The following PTPRN2 variants were observed in gnomAD, a reference collection of about 807,000 sequenced individuals.
PTPRN2 encodes protein tyrosine phosphatase receptor type N2, also known as receptor-type tyrosine-protein phosphatase N2.
A neutral mutation model predicts 118.8 loss-of-function variants in PTPRN2; 74 were observed. The observed-to-expected ratio is 0.62, with a 90% CI of 0.52 to 0.76. PTPRN2 has a LOEUF of 0.76. PTPRN2 is among the 30% of genes least tolerant of loss of function. PTPRN2 has a pLI of 0.00. For missense variants in PTPRN2, 1,481 were observed against 1,394.4 expected, an observed-to-expected ratio of 1.06 and a Z score of -0.99; for synonymous variants, 641 against 608.0, an observed-to-expected ratio of 1.05 and a Z score of -0.80.
chr7:157,563,880 A>G (rs528101835), intron 21 of PTPRN2, among the ~76,000 whole-genome samples: 2 of 152,236 alleles, frequency 1.3e-5, no homozygotes, highest in Non-Finnish European at 2.9e-5. Flanking sequence ...ACAGCAGATC[A>G]GGACCATGTG....
intron 2 of PTPRN2, among the ~76,000 whole-genome samples, chr7:158,365,011 CACAT>C (rs1809323622): frequency 1.3e-5 from 2 of 152,272 alleles, no homozygotes; most frequent in South Asian, 2.1e-4. Flanking sequence ...GCACACACAA[CACAT>C]ACATACATTC....
rs1563092148 is a variant in PTPRN2 at position 157,772,312 on chromosome 7, C to CACAGACAT, written c.1789-89376_1789-89375insATGTCTGT. ...ACAAACACACAGACATACAGACACA[C>CACAGACAT]ATAGACACAGACACACACATACACA... On this transcript the variant is annotated intron_variant, in intron 12 of 22. Transcript: ENST00000389418. 3.9e-3 allele frequency among the ~76,000 whole-genome samples: 357 copies of CACAGACAT among 90,566 alleles called. 1 individual carries two copies. Among genetic ancestry groups the CACAGACAT allele is most frequent in the African/African-American group, 0.023 (339 of 14,752 alleles). 59.4% of individuals were successfully genotyped at this position (90,566 alleles called of 152,430 possible).
intron 12 of PTPRN2, among the ~76,000 whole-genome samples, chr7:157,773,362 A>C (rs1803001529): frequency 6.6e-6 from 1 of 152,182 alleles, no homozygotes; most frequent in Non-Finnish European, 1.5e-5. Flanking sequence ...GGCGGCTCCC[A>C]ACCTCCAGGA....
intron 12 of PTPRN2, among the ~76,000 whole-genome samples, chr7:157,733,372 G>A (rs200815671): frequency 5.7e-5 from 1 of 17,446 alleles, no homozygotes; most frequent in Non-Finnish European, 1.0e-4. Context: ...ACTCTTTTCC[G>A]TCCCATGCGC....
chr7:157,754,860 G>A (rs1801688898), intron 12 of PTPRN2, among the ~76,000 whole-genome samples: 1 of 152,188 alleles, frequency 6.6e-6, no homozygotes, highest in Non-Finnish European at 1.5e-5. Flanking sequence ...GTGCTTCAAG[G>A]GGAGGAAGAA....
rs759724591 is a variant in PTPRN2, at chr7:157,763,816, T to G, written c.1789-80879A>C. Among the ~76,000 whole-genome samples, 1 of 152,098 alleles carries G rather than the reference T, an allele frequency of 6.6e-6. No homozygotes were observed. The highest frequency in any genetic ancestry group is 2.4e-5 in the African/African-American group (1 of 41,426). ...TGCACCGGGCAGGGTTAGGGGCTGC[T>G]GGGCCTCTGCTGTGTGGCCACTGCC... On this transcript the variant is annotated intron_variant, in intron 12 of 22. Transcript: ENST00000389418. The surrounding 1 kb of genome is among the most constrained non-coding windows in gnomAD (Gnocchi z 4.9).
At chr7:157,975,364 T>C (rs1248018274) in intron 11 of PTPRN2, among the ~76,000 whole-genome samples, 3 of 152,164 alleles carry the variant, frequency 2.0e-5, no homozygotes, top group African/African-American at 7.2e-5. Context: ...TCCTCATGTC[T>C]GAGAGCCTCT....
intron 11 of PTPRN2, among the ~76,000 whole-genome samples, chr7:158,053,584 G>A (rs1356603915): frequency 6.6e-6 from 1 of 152,348 alleles, no homozygotes; most frequent in East Asian, 1.9e-4. Context: ...ATAAACACAC[G>A]TAAAGAGGTT....
chr7:158,068,699 C>T (rs999872743), intron 11 of PTPRN2, among the ~76,000 whole-genome samples: 3 of 152,166 alleles, frequency 2.0e-5, no homozygotes, highest in African/African-American at 4.8e-5. Flanking sequence ...CTCCTGCCAC[C>T]AGCATTCATT....
At chr7:157,749,605 TC>T (rs1801313881) in intron 12 of PTPRN2, among the ~76,000 whole-genome samples, 1 of 131,218 alleles carries the variant, frequency 7.6e-6, no homozygotes, top group South Asian at 2.7e-4. Flanking sequence ...CTGTGGGGTG[TC>T]TGAGTGATTC....
intron 1 of PTPRN2, among the ~76,000 whole-genome samples, chr7:158,584,627 G>A (rs1304612323): frequency 6.6e-6 from 1 of 152,198 alleles, no homozygotes; most frequent in African/African-American, 2.4e-5. Flanking sequence ...AACAGGCAGA[G>A]TGGGTGATGG....
At chr7:157,885,803 T>C (rs537697291) in intron 12 of PTPRN2, among the ~76,000 whole-genome samples, 1 of 152,346 alleles carries the variant, frequency 6.6e-6, no homozygotes, top group Non-Finnish European at 1.5e-5. Flanking sequence ...CTGGCCTGAG[T>C]CAGGCTGCCT....
chr7:158,521,460 C>G (rs1214048729), intron 1 of PTPRN2, among the ~76,000 whole-genome samples: 1 of 152,254 alleles, frequency 6.6e-6, no homozygotes, highest in Non-Finnish European at 1.5e-5. Context: ...CAGCAAGATG[C>G]TGAAGCAGTA....
intron 11 of PTPRN2, among the ~76,000 whole-genome samples, chr7:157,969,722 A>G (rs577027721): frequency 6.6e-6 from 1 of 152,160 alleles, no homozygotes; most frequent in African/African-American, 2.4e-5. Flanking sequence ...AGTTTGGCTT[A>G]GACAGATTGG....
intron 12 of PTPRN2, among the ~76,000 whole-genome samples, chr7:157,807,803 A>G (rs1180485768): frequency 6.6e-6 from 1 of 152,222 alleles, no homozygotes; most frequent in Non-Finnish European, 1.5e-5. Context: ...TTCTGGGGAC[A>G]GTGGCTTCCT....
chr7:157,993,596 C>T (rs565279196), intron 11 of PTPRN2, among the ~76,000 whole-genome samples: 28 of 152,246 alleles, frequency 1.8e-4, no homozygotes, highest in African/African-American at 4.6e-4. Flanking sequence ...AGCCAGAGGT[C>T]GGCCAGCCGG....
chr7:158,361,631 C>T (rs1414329104), intron 2 of PTPRN2, among the ~76,000 whole-genome samples: 1 of 152,232 alleles, frequency 6.6e-6, no homozygotes, highest in Non-Finnish European at 1.5e-5. Flanking sequence ...CCGGAGCCAG[C>T]CCTGCCCTCA....
At chr7:157,875,170 C>T (rs1039786177) in intron 12 of PTPRN2, among the ~76,000 whole-genome samples, 3 of 152,234 alleles carry the variant, frequency 2.0e-5, no homozygotes, top group African/African-American at 7.2e-5. Context: ...TCGGGGTCAC[C>T]TTGACTTCAC....
chr7:158,466,934 G>A (rs560713625), intron 2 of PTPRN2, among the ~76,000 whole-genome samples: 3 of 152,262 alleles, frequency 2.0e-5, no homozygotes, highest in East Asian at 1.9e-4. Context: ...CCAGCTACTC[G>A]GGAGGCTGAG....
Sources: allele counts gnomAD v4.1 joint callset (sites outside exome capture counted in the v4.1 genomes callset), GRCh38; gene constraint gnomAD v4.1.1; non-coding constraint Gnocchi (gnomAD v3.1); transcripts MANE v1.5; gene names NCBI Gene and HGNC (gene_info 2026-07-23, HGNC 2026-07-21).